The following SMO variants were observed in gnomAD, a reference collection of about 807,000 sequenced individuals.
The protein encoded by SMO is protein smoothened.
Under a neutral mutation model 81.6 loss-of-function variants are expected in SMO, and 40 were observed. That is an observed-to-expected ratio of 0.49 (90% confidence interval 0.38 to 0.64). The LOEUF (loss-of-function observed/expected upper bound fraction) is 0.64, where lower values mean the gene tolerates loss of function less well. Ranked by LOEUF, SMO falls within the 30% of genes least tolerant of loss-of-function variation. The probability of loss-of-function intolerance (pLI) is 0.00; values close to 1 mark genes in which losing one functional copy is unlikely to be tolerated. For missense variants in SMO, 916 were observed against 1,061.1 expected, an observed-to-expected ratio of 0.86 and a Z score of 1.90; for synonymous variants, 434 against 432.1, an observed-to-expected ratio of 1.00 and a Z score of -0.05.
In SMO at chr7:129,205,307, C is replaced by T. The variant is rs1472605860; in HGVS notation, c.642C>T (p.Gly214=). Reference sequence around the variant, plus strand: ...GGTACGAGGACGTGGAGGGCTGCGGCATCCAGTGCCAGAACCCGCTCTTCA... The same window carrying T: ...GGTACGAGGACGTGGAGGGCTGCGGTATCCAGTGCCAGAACCCGCTCTTCA... ...KSWYEDVEGC[G]IQCQNPLFTE... The change falls in exon 3 of 12, where the codon GGC becomes GGT. Residue 214 remains glycine (G), a synonymous_variant. Transcript: ENST00000249373. The T allele has an allele frequency of 2.5e-6, 4 of 1,614,196 alleles. No homozygotes were observed. Among genetic ancestry groups the T allele is most frequent in the African/African-American group, 2.7e-5 (2 of 75,068 alleles).
Position 129,205,799 on chromosome 7 carries a change from C to T in SMO, c.920+17C>T, listed in dbSNP as rs1370449642. The T allele has an allele frequency of 6.3e-7, 1 of 1,597,070 alleles. No homozygotes were observed. The highest frequency in any genetic ancestry group is 8.5e-7 in the Non-Finnish European group (1 of 1,175,122). On this transcript the variant is annotated intron_variant, in intron 4 of 11. Coordinates refer to ENST00000249373, the MANE Select transcript of SMO (RefSeq NM_005631.5). Reference sequence around the variant, plus strand: ...GGAGCCCACGTAGGTGTCTTGGGGACCCAGAGGTGAAGGTACAGGGAGGAA... The same window carrying T: ...GGAGCCCACGTAGGTGTCTTGGGGATCCAGAGGTGAAGGTACAGGGAGGAA...
rs2150646490 is a variant in SMO at position 129,203,406 on chromosome 7, C to T, written c.354C>T (p.Cys118=). The change falls in exon 2 of 12, where the codon TGC becomes TGT. Residue 118 remains cysteine (C), a synonymous_variant. Coordinates refer to ENST00000249373, the MANE Select transcript of SMO (RefSeq NM_005631.5). ...LWSGLRNAPR[C]WAVIQPLLCA... The stretch of plus-strand genomic sequence containing the variant: ...CAGGCCTCCGGAATGCCCCCCGCTG[C>T]TGGGCAGTGATCCAGCCCCTGCTGT... 6.4e-7 allele frequency: 1 copy of T among 1,553,886 alleles called. No homozygotes were observed. Among genetic ancestry groups the T allele is most frequent in the Non-Finnish European group, 8.7e-7 (1 of 1,148,346 alleles).
At chr7:129,195,876 C>G (rs1390334703) in intron 1 of SMO, among the ~76,000 whole-genome samples, 1 of 151,894 alleles carries the variant, frequency 6.6e-6, no homozygotes. Flanking sequence ...TCAAGGTGGG[C>G]AGATCACGAG....
At chr7:129,200,479 G>A (rs1184727714) in intron 1 of SMO, among the ~76,000 whole-genome samples, 1 of 152,024 alleles carries the variant, frequency 6.6e-6, no homozygotes, top group Non-Finnish European at 1.5e-5. Flanking sequence ...GAAAAACAAT[G>A]TAGTTATTTT....
chr7:129,206,609 A>G lies in SMO; in HGVS notation c.1264+22A>G, dbSNP rs1793770555. ...CGAGGTGAGTGAAGACCAGGCCAGG[A>G]CCAGTTGGGCAACAAAATATACTGG... On this transcript the variant is annotated intron_variant, in intron 6 of 11. Transcript: ENST00000249373. The surrounding 1 kb of genome is among the most constrained non-coding windows in gnomAD (Gnocchi z 4.4). The G allele has an allele frequency of 6.2e-7, 1 of 1,612,678 alleles. No homozygotes were observed. Among genetic ancestry groups the G allele is most frequent in the Non-Finnish European group, 8.5e-7 (1 of 1,179,198 alleles).
chr7:129,200,723 G>GT (rs566913947), intron 1 of SMO, among the ~76,000 whole-genome samples: 69 of 151,594 alleles, frequency 4.6e-4, no homozygotes, highest in African/African-American at 1.3e-3. Context: ...AAAAATTACA[G>GT]TTTTTTTTTT....
Position 129,203,453 on chromosome 7 carries a change from G to A in SMO, c.401G>A (p.Cys134Tyr). ...PLLCAVYMPKCENDRVELPSR... is the reference protein window; with the variant it reads ...PLLCAVYMPKYENDRVELPSR... ...CTGTGTGCCGTATACATGCCCAAGT[G>A]TGAGAATGACCGGGTGGAGCTGCCC... The change falls in exon 2 of 12, where the codon TGT (cysteine) becomes TAT (tyrosine). Residue 134 changes from cysteine (C) to tyrosine (Y), a missense_variant. Cys to Tyr is a radical substitution (Grantham distance 194). Coordinates refer to ENST00000249373, the MANE Select transcript of SMO (RefSeq NM_005631.5). The A allele has an allele frequency of 2.5e-6, 4 of 1,577,568 alleles. No individual in the cohort carries two copies. Among genetic ancestry groups the A allele is most frequent in the African/African-American group, 1.3e-5 (1 of 74,352 alleles).
At chr7:129,209,923 C>T in intron 8 of SMO, 1 of 177,508 alleles carries the variant, frequency 5.6e-6, no homozygotes, top group Admixed American at 5.4e-5. Context: ...CTAGTCCAAG[C>T]CCTGACTGCT....
In SMO at chr7:129,205,349, G is replaced by A. The variant is rs765151743; in HGVS notation, c.684G>A (p.Gln228=). ...CGCTCTTCACAGAGGCTGAGCACCAGGACATGCACAGCTACATCGCGGCCT... is the reference window on the plus strand; with the variant it reads ...CGCTCTTCACAGAGGCTGAGCACCAAGACATGCACAGCTACATCGCGGCCT... ...QNPLFTEAEH[Q]DMHSYIAAFG... Residue 228 remains glutamine, a synonymous_variant, in exon 3 of 12, where the codon CAG becomes CAA. Coordinates refer to ENST00000249373, the MANE Select transcript of SMO (RefSeq NM_005631.5). The A allele has an allele frequency of 1.2e-6, 2 of 1,613,872 alleles. No homozygotes were observed. Among genetic ancestry groups the A allele is most frequent in the Admixed American group, 3.3e-5 (2 of 59,978 alleles).
chr7:129,205,837 C>T lies in SMO; in HGVS notation c.920+55C>T, dbSNP rs112783044. 6.5e-6 allele frequency: 10 copies of T among 1,527,894 alleles called. No homozygotes were observed. The South Asian group carries it at 8.0e-5, about 12-fold the overall frequency. The allele number at this position is 1,527,894 out of a possible 1,614,324, so 94.6% of individuals were successfully genotyped here. ...GTACAGGGAGGAAGGCTGAAGTGTG[C>T]GTTTACCCCAAAGGGAGCAGGTGCG... On this transcript the variant is annotated intron_variant, in intron 4 of 11. Transcript: ENST00000249373.
rs1793454792 is a variant in SMO at position 129,189,628 on chromosome 7, G to A, written c.331+146G>A. The A allele has an allele frequency of 9.0e-6, 8 of 889,382 alleles. No individual in the cohort carries two copies. The highest frequency in any genetic ancestry group is 1.3e-5 in the Non-Finnish European group (8 of 598,206). 55.1% of individuals were successfully genotyped at this position (889,382 alleles called of 1,614,324 possible). ...TGGAGGGACAGATCCCGAAACTTTG[G>A]GGGCAGGTTACGTGCAGGATGGGAC... On this transcript the variant is annotated intron_variant, in intron 1 of 11. Transcript: ENST00000249373. The surrounding 1 kb of genome is among the most constrained non-coding windows in gnomAD (Gnocchi z 4.7).
intron 1 of SMO, among the ~76,000 whole-genome samples, chr7:129,198,888 A>G (rs915109712): frequency 6.6e-6 from 1 of 152,234 alleles, no homozygotes; most frequent in African/African-American, 2.4e-5. Context: ...ACATGTGACT[A>G]TATCTCAACC....
At chr7:129,192,757 C>T (rs1793498173) in intron 1 of SMO, among the ~76,000 whole-genome samples, 1 of 152,088 alleles carries the variant, frequency 6.6e-6, no homozygotes, top group Non-Finnish European at 1.5e-5. Context: ...ATAGAGAATG[C>T]TAGAGGAAGA....
Position 129,205,199 on chromosome 7 carries a change from C to A in SMO, c.538-4C>A. On this transcript the variant is annotated splice_region_variant and splice_polypyrimidine_tract_variant and intron_variant, in intron 2 of 11. Transcript: ENST00000249373. ...ACACCGTCTTTTCCCATCCCTGGTG[C>A]CAGAATGAGGTGCAGAACATCAAGT... The A allele has an allele frequency of 6.2e-7, 1 of 1,613,728 alleles. No individual in the cohort carries two copies. Among genetic ancestry groups the A allele is most frequent in the Non-Finnish European group, 8.5e-7 (1 of 1,179,662 alleles).
chr7:129,195,126 T>C (rs977333512), intron 1 of SMO, among the ~76,000 whole-genome samples: 12 of 152,248 alleles, frequency 7.9e-5, no homozygotes, highest in Admixed American at 7.9e-4. Flanking sequence ...TCTCAAGTTT[T>C]TGCCCATTGC....
chr7:129,201,717 T>G (rs961581311), intron 1 of SMO, among the ~76,000 whole-genome samples: 2 of 151,744 alleles, frequency 1.3e-5, no homozygotes, highest in Admixed American at 1.3e-4. Context: ...GTCTCATTCT[T>G]TTGCCCAGGC....
Position 129,205,189 on chromosome 7 carries a change from A to G in SMO, c.538-14A>G. 1 of 1,613,058 alleles carries G rather than the reference A, an allele frequency of 6.2e-7. No individual in the cohort carries two copies. The highest frequency in any genetic ancestry group is 8.5e-7 in the Non-Finnish European group (1 of 1,179,102). On this transcript the variant is annotated splice_polypyrimidine_tract_variant and intron_variant, in intron 2 of 11. Transcript: ENST00000249373. ...AGCTGCCTTGACACCGTCTTTTCCC[A>G]TCCCTGGTGCCAGAATGAGGTGCAG...
chr7:129,190,268 T>C (rs1793463127), intron 1 of SMO, among the ~76,000 whole-genome samples: 1 of 152,094 alleles, frequency 6.6e-6, no homozygotes, highest in African/African-American at 2.4e-5. Flanking sequence ...TCCATGGTGG[T>C]TTGAAGTCCC....
chr7:129,200,700 T>C (rs776538540), intron 1 of SMO, among the ~76,000 whole-genome samples: 9 of 152,186 alleles, frequency 5.9e-5, no homozygotes, highest in Admixed American at 2.0e-4. Flanking sequence ...ACCACAGATA[T>C]AAAAAGATTG....
Sources: allele counts gnomAD v4.1 joint callset (sites outside exome capture counted in the v4.1 genomes callset), GRCh38; gene constraint gnomAD v4.1.1; non-coding constraint Gnocchi (gnomAD v3.1); transcripts MANE v1.5; gene names NCBI Gene and HGNC (gene_info 2026-07-23, HGNC 2026-07-21).